C12orf76: variants seen among roughly 807,000 people sequenced by gnomAD.
The protein encoded by C12orf76 is chromosome 12 open reading frame 76.
A neutral mutation model predicts 6.8 loss-of-function variants in C12orf76; 6 were observed. The ratio of observed to expected loss-of-function variants is 0.88; its 90% confidence interval spans 0.48 to 1.73. C12orf76 has a LOEUF of 1.73. Among genes scored for constraint, C12orf76 ranks in the 40% most tolerant of loss-of-function variants. C12orf76 has a pLI of 0.01. For missense variants in C12orf76, 99 were observed against 98.2 expected, an observed-to-expected ratio of 1.01 and a Z score of -0.03; for synonymous variants, 56 against 43.7, an observed-to-expected ratio of 1.28 and a Z score of -1.11.
chr12:110,054,766 T>C lies in C12orf76; in HGVS notation n.664+2423A>G, dbSNP rs1201832666. On this transcript the variant is annotated intron_variant and non_coding_transcript_variant, in intron 4 of 4. Coordinates refer to the C12orf76 transcript ENST00000309050. This position sits in a 1 kb window ranked among gnomAD's most constrained non-coding sequence, Gnocchi z 4.4. ...GTAGACATATATGTGTTTAGAAATA[T>C]AAAAACAAACAAGGGAATGACAAAT... Among the ~76,000 whole-genome samples the C allele has an allele frequency of 6.6e-6, 1 of 152,236 alleles. No individual in the cohort carries two copies. The highest frequency in any genetic ancestry group is 1.5e-5 in the Non-Finnish European group (1 of 68,044).
chr12:110,050,980 C>T (rs759965078), upstream of C12orf76: 3 of 754,728 alleles, frequency 4.0e-6, no homozygotes, highest in Non-Finnish European at 7.3e-6. Context: ...GGTCCGTTAA[C>T]ACTACCAGGT....
rs1892306064 is a variant in C12orf76, at chr12:110,041,330, A to G, written c.*1044T>C. ...ACATTAAATGCAGGTTGTTAAAATC[A>G]GTGCTGTGCTTGAACACAAGATAAG... On this transcript the variant is annotated 3_prime_UTR_variant, in exon 2 of 2. Coordinates refer to ENST00000615315, the MANE Select transcript of C12orf76 (RefSeq NM_001389625.1). 1 of 152,678 alleles carries G rather than the reference A, an allele frequency of 6.5e-6. No individual in the cohort carries two copies. Among genetic ancestry groups the G allele is most frequent in the African/African-American group, 2.4e-5 (1 of 41,472 alleles). 9.5% of individuals were successfully genotyped at this position (152,678 alleles called of 1,614,324 possible).
At position 110,042,352 on chromosome 12, in the gene C12orf76, C is replaced by T. The variant is rs1045248266; in HGVS notation, c.*22G>A. 8.7e-6 allele frequency: 14 copies of T among 1,602,804 alleles called. No individual in the cohort carries two copies. The highest frequency in any genetic ancestry group is 6.7e-5 in the African/African-American group (5 of 74,740). On this transcript the variant is annotated 3_prime_UTR_variant, in exon 2 of 2. Transcript: ENST00000615315. ...ACAACTTATCCTATTCCCAAATACT[C>T]ATTGAAGAACTTGTCTGGCTGTCAC... is the stretch of plus-strand genomic sequence containing the variant.
chr12:110,065,431 A>G (rs1892843183), intron 2 of C12orf76, among the ~76,000 whole-genome samples: 1 of 152,046 alleles, frequency 6.6e-6, no homozygotes, highest in African/African-American at 2.4e-5. Context: ...TTGGCCTCTC[A>G]AAGTGCGGGA....
At chr12:110,058,377 A>G (rs538946599) in intron 3 of C12orf76, among the ~76,000 whole-genome samples, 61 of 152,256 alleles carry the variant, frequency 4.0e-4, no homozygotes, top group African/African-American at 1.4e-3. Context: ...GAAACTGCCC[A>G]TTTTGGCAGG....
At chr12:110,061,064 G>T (rs1210050309) in intron 2 of C12orf76, among the ~76,000 whole-genome samples, 1 of 142,702 alleles carries the variant, frequency 7.0e-6, no homozygotes, top group Non-Finnish European at 1.5e-5. Context: ...CTCTGTGGGG[G>T]AGACCAGAGA....
chr12:110,048,710 C>T, upstream of C12orf76: 1 of 1,217,758 alleles, frequency 8.2e-7, no homozygotes, highest in Non-Finnish European at 1.0e-6. Flanking sequence ...ACTTTCCGTT[C>T]AGATCAACTT....
chr12:110,043,120 G>A (rs567257878), intron 1 of C12orf76, among the ~76,000 whole-genome samples: 6 of 151,978 alleles, frequency 3.9e-5, no homozygotes, highest in Admixed American at 2.6e-4. Context: ...GGCTCTGCAG[G>A]GAGCATGCTG....
At chr12:110,063,440 G>A (rs950274010) in intron 2 of C12orf76, among the ~76,000 whole-genome samples, 11 of 147,700 alleles carry the variant, frequency 7.4e-5, no homozygotes, top group Middle Eastern at 7.3e-3. Context: ...CTACCACTAC[G>A]CCTGGCTAAT....
chr12:110,064,067 C>T (rs547913746), intron 2 of C12orf76, among the ~76,000 whole-genome samples: 1 of 152,290 alleles, frequency 6.6e-6, no homozygotes, highest in Admixed American at 6.5e-5. Context: ...GAAACTCATA[C>T]AGCCTCAGAC....
At chr12:110,066,227 C>A (rs926827435) in intron 1 of C12orf76, among the ~76,000 whole-genome samples, 2 of 151,074 alleles carry the variant, frequency 1.3e-5, no homozygotes, top group African/African-American at 4.9e-5. Flanking sequence ...CAAAAATTAG[C>A]CTGGTGTGGT....
chr12:110,068,259 GAAGAAGAAGAAGAAGAA>G (rs1892905996), upstream of C12orf76, among the ~76,000 whole-genome samples: 1 of 86,284 alleles, frequency 1.2e-5, no homozygotes, highest in South Asian at 4.4e-4. Context: ...AGAAGAAGAA[GAAGAAGAAGAAGAAGAA>G]GAAGAAGAAG....
At chr12:110,064,345 T>G (rs1401224774) in intron 2 of C12orf76, among the ~76,000 whole-genome samples, 1 of 152,134 alleles carries the variant, frequency 6.6e-6, no homozygotes, top group Non-Finnish European at 1.5e-5. Context: ...GTGACATGTA[T>G]TAGGGAGTGG....
upstream of C12orf76, chr12:110,049,062 A>T (rs1465445234): frequency 6.6e-6 from 1 of 152,196 alleles, no homozygotes; most frequent in Non-Finnish European, 1.5e-5. Context: ...CGTACATTTG[A>T]TGATTTTCTG....
chr12:110,072,880 G>A (rs143369959), intron 1 of C12orf76, among the ~76,000 whole-genome samples: 4,133 of 151,566 alleles, frequency 0.027, 86 homozygotes, highest in Middle Eastern at 0.078. Context: ...CCCAGGAGGC[G>A]GAGGTTGCAG....
chr12:110,052,918 C>A (rs556231269), upstream of C12orf76, among the ~76,000 whole-genome samples: 6 of 152,154 alleles, frequency 3.9e-5, no homozygotes, highest in Non-Finnish European at 8.8e-5. Context: ...GTTAAAAGTT[C>A]ATGGCTGGGC....
intron 1 of C12orf76, among the ~76,000 whole-genome samples, chr12:110,045,337 A>C (rs918903687): frequency 3.3e-5 from 5 of 152,224 alleles, no homozygotes; most frequent in African/African-American, 1.2e-4. Flanking sequence ...TCAAGCCTGT[A>C]ATCCCAGTGA....
At chr12:110,049,689 A>C (rs547369629), upstream of C12orf76, 3 of 152,146 alleles carry the variant, frequency 2.0e-5, no homozygotes, top group Non-Finnish European at 4.4e-5. Flanking sequence ...TCTTTTGTGG[A>C]TCTTCAGTTA....
At chr12:110,043,106 G>A (rs1892358662) in intron 1 of C12orf76, among the ~76,000 whole-genome samples, 1 of 151,904 alleles carries the variant, frequency 6.6e-6, no homozygotes, top group East Asian at 1.9e-4. Context: ...GACCTTACGA[G>A]TGAGGCTCTG....
Sources: allele counts gnomAD v4.1 joint callset (sites outside exome capture counted in the v4.1 genomes callset), GRCh38; gene constraint gnomAD v4.1.1; non-coding constraint Gnocchi (gnomAD v3.1); transcripts MANE v1.5; gene names NCBI Gene and HGNC (gene_info 2026-07-23, HGNC 2026-07-21).